The following NFXL1 variants were observed in gnomAD, a reference collection of about 807,000 sequenced individuals.
The protein encoded by NFXL1 is NF-X1-type zinc finger protein NFXL1.
Under a neutral mutation model 123.3 loss-of-function variants are expected in NFXL1, and 66 were observed. The observed-to-expected ratio is 0.54, with a 90% CI of 0.44 to 0.66. The LOEUF is 0.66. Among genes scored for constraint, NFXL1 ranks in the 30% least tolerant of loss-of-function variants. The pLI is 0.00. For missense variants in NFXL1, 944 were observed against 1,125.6 expected, an observed-to-expected ratio of 0.84 and a Z score of 2.31; for synonymous variants, 346 against 360.8, an observed-to-expected ratio of 0.96 and a Z score of 0.46.
chr4:47,887,141 G>A (rs1193215451), intron 12 of NFXL1, among the ~76,000 whole-genome samples: 4 of 152,092 alleles, frequency 2.6e-5, no homozygotes, highest in East Asian at 1.9e-4. Context: ...TATAAAGTTC[G>A]CTCCAAGAGG....
At chr4:47,853,728 A>G (rs1734254571) in intron 20 of NFXL1, among the ~76,000 whole-genome samples, 1 of 152,136 alleles carries the variant, frequency 6.6e-6, no homozygotes, top group African/African-American at 2.4e-5. Context: ...TAACAGATTC[A>G]CAGAGATGAT....
At chr4:47,850,040 C>T (rs1265878279) in intron 22 of NFXL1, among the ~76,000 whole-genome samples, 1 of 151,708 alleles carries the variant, frequency 6.6e-6, no homozygotes, top group Non-Finnish European at 1.5e-5. Flanking sequence ...ATACTAAGGA[C>T]TGATTATATT....
chr4:47,886,138 T>C (rs971803143), intron 12 of NFXL1, 139 bp from the exon 13 acceptor site: 1 of 720,336 alleles, frequency 1.4e-6, no homozygotes. Flanking sequence ...CATGAATGAA[T>C]CTTACCACAA....
intron 19 of NFXL1, among the ~76,000 whole-genome samples, chr4:47,861,498 T>C (rs1734764265): frequency 1.3e-5 from 2 of 152,168 alleles, no homozygotes; most frequent in South Asian, 4.1e-4. Flanking sequence ...CAATTCTAAG[T>C]TATAAATTAG....
intron 10 of NFXL1, 114 bp from the exon 11 acceptor site, chr4:47,894,416 G>T (rs1736957137): frequency 1.6e-6 from 1 of 627,004 alleles, no homozygotes. Flanking sequence ...CACTAAATTT[G>T]TATAACAAAC....
At chr4:47,861,754 T>A (rs948157095) in intron 19 of NFXL1, among the ~76,000 whole-genome samples, 11 of 152,188 alleles carry the variant, frequency 7.2e-5, no homozygotes, top group African/African-American at 2.7e-4. Flanking sequence ...AAATGGCCTC[T>A]CTTCTTATAA....
chr4:47,860,875 G>A (rs1465804980), intron 19 of NFXL1, among the ~76,000 whole-genome samples: 1 of 148,332 alleles, frequency 6.7e-6, no homozygotes, highest in Non-Finnish European at 1.5e-5. Context: ...TTTTTGAGAC[G>A]GAGTTTTGCT....
At chr4:47,865,191 G>GT in intron 18 of NFXL1, among the ~76,000 whole-genome samples, 1 of 152,220 alleles carries the variant, frequency 6.6e-6, no homozygotes, top group East Asian at 1.9e-4. Flanking sequence ...AACAGTTTGT[G>GT]TTTTTTTCCA....
chr4:47,913,801 A>G (rs1737962980), intron 2 of NFXL1, among the ~76,000 whole-genome samples, 168 bp downstream of exon 2: 1 of 152,224 alleles, frequency 6.6e-6, no homozygotes, highest in Non-Finnish European at 1.5e-5. Flanking sequence ...ATCTACCTAG[A>G]GTGCCGAAAA....
intron 19 of NFXL1, among the ~76,000 whole-genome samples, chr4:47,858,153 G>C (rs1206681669): frequency 6.6e-6 from 1 of 152,100 alleles, no homozygotes; most frequent in Non-Finnish European, 1.5e-5. Flanking sequence ...AGTAATCAGA[G>C]AATGTAAATT....
At chr4:47,876,572 A>G (rs1259587827) in intron 17 of NFXL1, among the ~76,000 whole-genome samples, 1 of 152,162 alleles carries the variant, frequency 6.6e-6, no homozygotes, top group Non-Finnish European at 1.5e-5. Flanking sequence ...ATCATTACTG[A>G]GCCTTTACAG....
At chr4:47,851,711 C>T in intron 21 of NFXL1, 145 bp downstream of exon 21, 1 of 551,092 alleles carries the variant, frequency 1.8e-6, no homozygotes, top group Non-Finnish European at 3.2e-6. Context: ...TCCCAATCTG[C>T]CATTCAAAAT....
chr4:47,879,105 C>T lies in NFXL1; in HGVS notation c.1929G>A (p.Gly643=). The T allele has an allele frequency of 7.2e-7, 1 of 1,381,744 alleles. No individual in the cohort carries two copies. The highest frequency in any genetic ancestry group is 9.7e-7 in the Non-Finnish European group (1 of 1,025,854). The allele number at this position is 1,381,744 out of a possible 1,614,324, so 85.6% of individuals were successfully genotyped here. The change falls in exon 16 of 23, where the codon GGG becomes GGA. Residue 643 remains glycine (G), a synonymous_variant. Coordinates refer to ENST00000507489, the MANE Select transcript of NFXL1 (RefSeq NM_001278624.2). The part of the protein sequence containing the change: ...CQVPIPMECL[G]KHEVSPLPCH... Reference sequence around the variant, plus strand: ...TGTGCCTGTAACTTACCTCATGTTTCCCAAGACATTCCCTACAAGGAAAAA... The same window carrying T: ...TGTGCCTGTAACTTACCTCATGTTTTCCAAGACATTCCCTACAAGGAAAAA...
chr4:47,896,115 CCAAA>C (rs1737070995), intron 10 of NFXL1, among the ~76,000 whole-genome samples: 1 of 152,002 alleles, frequency 6.6e-6, no homozygotes, highest in Admixed American at 6.6e-5. Context: ...TGTGGCACCC[CCAAA>C]CAATCACAAT....
intron 19 of NFXL1, among the ~76,000 whole-genome samples, chr4:47,856,580 G>A (rs970443731): frequency 2.0e-5 from 3 of 152,020 alleles, no homozygotes; most frequent in Non-Finnish European, 2.9e-5. Flanking sequence ...TCAAACTACT[G>A]ACTCCACTCA....
At chr4:47,884,463 T>G (rs1736308149) in intron 14 of NFXL1, 26 bp from the exon 15 acceptor site, 1 of 1,398,194 alleles carries the variant, frequency 7.2e-7, no homozygotes, top group Non-Finnish European at 1.0e-6. Flanking sequence ...ATAAGAATTT[T>G]AAGTCAGAGG....
intron 18 of NFXL1, among the ~76,000 whole-genome samples, chr4:47,866,137 C>CAAAAT (rs925985917): frequency 2.7e-5 from 4 of 148,888 alleles, no homozygotes; most frequent in East Asian, 1.9e-4. Flanking sequence ...AGACTTGTTT[C>CAAAAT]AAAATAAAAT....
At position 47,914,034 on chromosome 4, in the gene NFXL1, G is replaced by A. The variant is rs1737984691; in HGVS notation, c.170C>T (p.Thr57Met). 2 of 1,549,214 alleles carry A rather than the reference G, an allele frequency of 1.3e-6. No individual in the cohort carries two copies. The highest frequency in any genetic ancestry group is 1.7e-6 in the Non-Finnish European group (2 of 1,146,924). Residue 57 changes from threonine to methionine, a missense_variant, in exon 2 of 23, where the codon ACG (threonine) becomes ATG (methionine). Transcript: ENST00000507489. Reference sequence around the variant, plus strand: ...GCTGTGCCTGCTCCCTGCAGCCGCCGTGGTCGCGACTCCTCCGGGACTGGT... The same window carrying A: ...GCTGTGCCTGCTCCCTGCAGCCGCCATGGTCGCGACTCCTCCGGGACTGGT... ...SGTSPGGVAT[T>M]AAAGSRHSPA...
intron 18 of NFXL1, among the ~76,000 whole-genome samples, chr4:47,866,373 G>T (rs186492437): frequency 1.3e-5 from 2 of 152,174 alleles, no homozygotes; most frequent in African/African-American, 4.8e-5. Context: ...TTAAAAAATT[G>T]TATTTTCCCA....
Sources: allele counts gnomAD v4.1 joint callset (sites outside exome capture counted in the v4.1 genomes callset), GRCh38; gene constraint gnomAD v4.1.1; transcripts MANE v1.5; gene names NCBI Gene and HGNC (gene_info 2026-07-23, HGNC 2026-07-21).